The following DBF4B variants were observed in gnomAD, a reference collection of about 807,000 sequenced individuals.
DBF4B encodes the protein DBF4B-CDC7 kinase regulatory subunit.
A neutral mutation model predicts 53.4 loss-of-function variants in DBF4B; 49 were observed. The observed-to-expected ratio is 0.92, with a 90% confidence interval of 0.73 to 1.16. The LOEUF (loss-of-function observed/expected upper bound fraction) is 1.16. Ranked by LOEUF, DBF4B falls within the 50% of genes most tolerant of loss-of-function variation. DBF4B has a pLI of 0.00. For synonymous variants in DBF4B, 257 were observed against 288.7 expected, an observed-to-expected ratio of 0.89 and a Z score of 1.11; for missense variants, 692 against 775.0, an observed-to-expected ratio of 0.89 and a Z score of 1.27.
Position 44,744,410 on chromosome 17 carries a change from C to CA in DBF4B, c.831-2657dup, listed in dbSNP as rs58723234. On this transcript the variant is annotated intron_variant, in intron 10 of 13. Coordinates refer to ENST00000315005, the MANE Select transcript of DBF4B (RefSeq NM_145663.3). ...CTGGGTGACAGAGTAGACCCTGTCT[C>CA]AAAAAAAAAAAAAAAATTGCATTCC... Among the ~76,000 whole-genome samples the CA allele has an allele frequency of 7.4e-3, 907 of 122,946 alleles. 3 individuals are homozygous for CA. The highest frequency in any genetic ancestry group is 0.017 in the Middle Eastern group (4 of 230). The allele number at this position is 122,946 out of a possible 152,430, so 80.7% of individuals were successfully genotyped here.
At chr17:44,712,958 C>T (rs746649575) in intron 2 of DBF4B, among the ~76,000 whole-genome samples, 6 of 151,814 alleles carry the variant, frequency 4.0e-5, no homozygotes, top group Non-Finnish European at 5.9e-5. Context: ...CACACACAAA[C>T]GCACATGCAT....
chr17:44,719,793 C>A (rs1442541398), intron 2 of DBF4B: 2 of 220,970 alleles, frequency 9.1e-6, no homozygotes, highest in Non-Finnish European at 1.9e-5. Flanking sequence ...AAATTCCATT[C>A]GTTAGGGCAG....
rs1976007686 is a variant in DBF4B at position 44,741,391 on chromosome 17, G to T, written c.769G>T (p.Gly257Ter). The change falls in exon 10 of 14, where the codon GGA (glycine) becomes TGA (stop). Residue 257 changes from glycine (G) to a stop codon, truncating the protein, a stop_gained. Transcript: ENST00000315005. LOFTEE classifies it high-confidence loss of function. The stretch of plus-strand genomic sequence containing the variant: ...ATCCTTTCCTGAAATTTCTTTTCTT[G>T]GACCCAAAGATGCAAGTCCCTTTGA... ...FKSFPEISFL[G>*]PKDASPFEAP... 1 of 1,613,594 alleles carries T rather than the reference G, an allele frequency of 6.2e-7. No homozygotes were observed. Among genetic ancestry groups the T allele is most frequent in the South Asian group, 1.1e-5 (1 of 91,054 alleles).
rs929903300 is a variant in DBF4B at position 44,732,182 on chromosome 17, G to A, written c.473G>A (p.Ser158Asn). Reference sequence around the variant, plus strand: ...GACTCTGTGTTGTAATTTCAGGGGAGCATCAGTGGAGGAGGCAGTGGGGGC... The same window carrying A: ...GACTCTGTGTTGTAATTTCAGGGGAACATCAGTGGAGGAGGCAGTGGGGGC... ...LLQKAIRNQG[S>N]ISGGGSGGSS... The change falls in exon 6 of 14, where the codon AGC (serine) becomes AAC (asparagine). Residue 158 changes from serine to asparagine, a missense_variant. Around this residue, in one of 3 missense-constraint regions of DBF4B, gnomAD observed 597 missense variants for 665.8 expected, o/e 0.90. Coordinates refer to ENST00000315005, the MANE Select transcript of DBF4B (RefSeq NM_145663.3). 2 of 1,614,044 alleles carry A rather than the reference G, an allele frequency of 1.2e-6. No homozygotes were observed.
intron 8 of DBF4B, 136 bp downstream of exon 8, chr17:44,737,002 T>C: frequency 1.9e-6 from 2 of 1,052,378 alleles, no homozygotes; most frequent in Non-Finnish European, 2.8e-6. Context: ...CCCTTTGTGT[T>C]TCCAGGGCCT....
chr17:44,725,093 G>A (rs1274578407), intron 3 of DBF4B, among the ~76,000 whole-genome samples: 1 of 134,652 alleles, frequency 7.4e-6, no homozygotes, highest in Admixed American at 8.5e-5. Context: ...TCCAGCCTGG[G>A]CAACAAGAGC....
Position 44,750,997 on chromosome 17 carries a change from A to T in DBF4B, c.1592A>T (p.Glu531Val). 1 of 1,614,104 alleles carries T rather than the reference A, an allele frequency of 6.2e-7. No homozygotes were observed. The highest frequency in any genetic ancestry group is 8.5e-7 in the Non-Finnish European group (1 of 1,180,024). ...LIPHDTTPLHEEVSPCPCLRL... is the reference protein window; with the variant it reads ...LIPHDTTPLHVEVSPCPCLRL... ...CCCCATGACACCACCCCTCTGCATG[A>T]GGAAGTTTCCCCTTGCCCCTGTCTC... Residue 531 changes from glutamate (E) to valine (V), a missense_variant, in exon 14 of 14, where the codon GAG becomes GTG. This residue lies in a region of DBF4B where 597 missense variants were observed against 665.8 expected (regional missense o/e 0.90). Transcript: ENST00000315005.
At chr17:44,747,241 C>G (rs1233709056) in intron 11 of DBF4B, 50 bp downstream of exon 11, 3 of 1,603,190 alleles carry the variant, frequency 1.9e-6, no homozygotes, top group Non-Finnish European at 2.6e-6. Context: ...CCTGAGGGAG[C>G]CTGCTCACTG....
chr17:44,713,284 A>C (rs913125654), intron 2 of DBF4B, among the ~76,000 whole-genome samples: 15 of 145,680 alleles, frequency 1.0e-4, no homozygotes, highest in South Asian at 2.2e-4. Flanking sequence ...CTCGTGATCC[A>C]CCTGCCTCCG....
At chr17:44,723,384 C>T (rs964099237) in intron 3 of DBF4B, among the ~76,000 whole-genome samples, 2 of 152,108 alleles carry the variant, frequency 1.3e-5, no homozygotes, top group Admixed American at 6.6e-5. Context: ...GGATTACAGG[C>T]GTGAGCCACC....
intron 2 of DBF4B, among the ~76,000 whole-genome samples, chr17:44,716,904 C>G (rs1362730358): frequency 6.6e-6 from 1 of 152,126 alleles, no homozygotes; most frequent in African/African-American, 2.4e-5. Flanking sequence ...TATCTCCTGT[C>G]TGTTTTTCAC....
At chr17:44,719,432 G>A (rs1284584922) in intron 2 of DBF4B, among the ~76,000 whole-genome samples, 1 of 152,102 alleles carries the variant, frequency 6.6e-6, no homozygotes, top group African/African-American at 2.4e-5. Flanking sequence ...CCCATTAGCA[G>A]CCACTCACAA....
chr17:44,747,315 G>A (rs1305592207), intron 11 of DBF4B, 76 bp from the exon 12 acceptor site: 1 of 1,601,914 alleles, frequency 6.2e-7, no homozygotes. Flanking sequence ...CAGAGCATGG[G>A]CTGGGAGGTC....
At chr17:44,748,561 G>A (rs2145161025) in intron 13 of DBF4B, 96 bp downstream of exon 13, 1 of 1,574,246 alleles carries the variant, frequency 6.4e-7, no homozygotes, top group East Asian at 2.3e-5. Flanking sequence ...AAGCTGCCAG[G>A]ACCTGGGGGT....
chr17:44,748,264 C>A, intron 12 of DBF4B, 77 bp from the exon 13 acceptor site: 1 of 1,507,896 alleles, frequency 6.6e-7, no homozygotes. Flanking sequence ...TGTGGCAGCT[C>A]TCCCTGTGCC....
At chr17:44,747,666 T>A in intron 12 of DBF4B, 151 bp downstream of exon 12, 1 of 1,176,246 alleles carries the variant, frequency 8.5e-7, no homozygotes. Flanking sequence ...TCAGTCCTGT[T>A]TGTTTTGGGG....
At chr17:44,736,616 C>T (rs1224674240) in intron 7 of DBF4B, among the ~76,000 whole-genome samples, 4 of 152,186 alleles carry the variant, frequency 2.6e-5, no homozygotes, top group African/African-American at 9.7e-5. Flanking sequence ...TTAAGATTCA[C>T]ACACCGAGTG....
chr17:44,748,429 C>T lies in DBF4B; in HGVS notation c.1153C>T (p.Pro385Ser). The T allele has an allele frequency of 6.2e-7, 1 of 1,614,120 alleles. No individual in the cohort carries two copies. Among genetic ancestry groups the T allele is most frequent in the Non-Finnish European group, 8.5e-7 (1 of 1,179,992 alleles). ...GCCCTCCCATCCCAGGGCAGCATCT[C>T]CCAGGATAAGGAAAGAAGACAGCTG... The part of the protein sequence containing the change: ...HQPSHPRAAS[P>S]RIRKEDSCQA... The change falls in exon 13 of 14, where the codon CCC becomes TCC. Residue 385 changes from proline to serine, a missense_variant. By Grantham distance (74) the Pro-to-Ser change is moderately conservative. Around this residue, in one of 3 missense-constraint regions of DBF4B, gnomAD observed 597 missense variants for 665.8 expected, o/e 0.90. Transcript: ENST00000315005.
chr17:44,714,663 C>T (rs1973176821), intron 2 of DBF4B, among the ~76,000 whole-genome samples: 1 of 151,758 alleles, frequency 6.6e-6, no homozygotes, highest in Admixed American at 6.6e-5. Flanking sequence ...ATGTATTGTG[C>T]ATAGCGATAT....
Sources: gnomAD v4.1 joint callset for allele counts (sites outside exome capture counted in the v4.1 genomes callset) on GRCh38, gnomAD v4.1.1 for gene constraint, gnomAD v4.1.1 regional missense constraint, MANE v1.5 for transcripts, NCBI Gene and HGNC (gene_info 2026-07-23, HGNC 2026-07-21) for gene names.